TRMT1L: variants seen among roughly 807,000 people sequenced by gnomAD.
The protein encoded by TRMT1L is tRNA (guanine(27)-N(2))-dimethyltransferase.
TRMT1L carries 28 observed loss-of-function variants against 81.6 expected under a neutral mutation model. The ratio of observed to expected loss-of-function variants is 0.34; its 90% CI spans 0.25 to 0.47. The LOEUF is 0.47. Among genes scored for constraint, TRMT1L ranks in the 20% least tolerant of loss-of-function variants. The probability of loss-of-function intolerance (pLI) is 1.00; values close to 1 mark genes in which losing one functional copy is unlikely to be tolerated. For missense variants in TRMT1L, 739 were observed against 877.1 expected, an observed-to-expected ratio of 0.84 and a Z score of 1.99; for synonymous variants, 301 against 303.2, an observed-to-expected ratio of 0.99 and a Z score of 0.07.
At chr1:185,130,524 A>T (rs1427047343) in intron 10 of TRMT1L, among the ~76,000 whole-genome samples, 2 of 152,220 alleles carry the variant, frequency 1.3e-5, no homozygotes, top group African/African-American at 4.8e-5. Flanking sequence ...CCAACAAAAC[A>T]GAAAGTTCAT....
chr1:185,151,768 G>C (rs777797211), intron 2 of TRMT1L, 57 bp downstream of exon 2: 200 of 1,151,656 alleles, frequency 1.7e-4, no homozygotes, highest in Non-Finnish European at 2.0e-4. Context: ...TTTGTGAATT[G>C]AAAGATGATA....
rs747995040 is a variant in TRMT1L, at chr1:185,128,659, G to C, written c.1592+10C>G. 7.4e-6 allele frequency: 12 copies of C among 1,610,844 alleles called. No homozygotes were observed. In the South Asian group the frequency reaches 1.3e-4, roughly 18 times the overall value. Reference sequence around the variant, plus strand: ...CAAATTTTAATATGTTCTTATGGCTGGTCACATACCACAGAGGTCCAAGTT... The same window carrying C: ...CAAATTTTAATATGTTCTTATGGCTCGTCACATACCACAGAGGTCCAAGTT... On this transcript the variant is annotated intron_variant, in intron 11 of 14. Transcript: ENST00000367506.
In TRMT1L at chr1:185,120,286, G is replaced by A. The variant is rs757947978; in HGVS notation, c.1950-15C>T. 4.0e-6 allele frequency: 6 copies of A among 1,506,244 alleles called. No individual in the cohort carries two copies. Among genetic ancestry groups the A allele is most frequent in the Admixed American group, 4.3e-5 (2 of 46,210 alleles). The allele number at this position is 1,506,244 out of a possible 1,614,324, so 93.3% of individuals were successfully genotyped here. On this transcript the variant is annotated splice_polypyrimidine_tract_variant and intron_variant, in intron 14 of 14. Transcript: ENST00000367506. Reference sequence around the variant, plus strand: ...ACTTTTTTAACCTGCAAAAAGGAAAGGAAAGAAAAAATAATCAGGTTCTTG... The same window carrying A: ...ACTTTTTTAACCTGCAAAAAGGAAAAGAAAGAAAAAATAATCAGGTTCTTG...
intron 11 of TRMT1L, among the ~76,000 whole-genome samples, chr1:185,127,759 C>CAAA (rs986438990): frequency 4.4e-4 from 16 of 36,354 alleles, no homozygotes; most frequent in African/African-American, 5.5e-4. Flanking sequence ...AACTCTGTCT[C>CAAA]AAAAAAAAAA....
Position 185,145,532 on chromosome 1 carries a change from T to C in TRMT1L, c.562A>G (p.Ile188Val), listed in dbSNP as rs769063354. 6.2e-7 allele frequency: 1 copy of C among 1,612,088 alleles called. No individual in the cohort carries two copies. The highest frequency in any genetic ancestry group is 1.7e-5 in the Admixed American group (1 of 59,958). The change falls in exon 5 of 15, where the codon ATT (isoleucine) becomes GTT (valine). Residue 188 changes from isoleucine to valine, a missense_variant. Ile to Val is a conservative substitution (Grantham distance 29, BLOSUM62 3). Transcript: ENST00000367506. ...SKMGAHYHCI[I>V]CSATITRRTD... ...CTTCTGGTGATTGTTGCTGAACAAATGATACAATGATAATGGGCTCCCATT... is the reference window on the plus strand; with the variant it reads ...CTTCTGGTGATTGTTGCTGAACAAACGATACAATGATAATGGGCTCCCATT...
chr1:185,151,630 T>C (rs1044376600), intron 2 of TRMT1L, among the ~76,000 whole-genome samples, 195 bp downstream of exon 2: 2 of 152,120 alleles, frequency 1.3e-5, no homozygotes, highest in African/African-American at 4.8e-5. Flanking sequence ...TCTTGAGGAG[T>C]TGTAAAATAA....
At position 185,151,938 on chromosome 1, in the gene TRMT1L, G is replaced by GAA; in HGVS notation, c.236-5_236-4dup. On this transcript the variant is annotated splice_polypyrimidine_tract_variant and splice_region_variant and intron_variant, in intron 1 of 14. Transcript: ENST00000367506. ...CCTTTGAATTGAGATGTGTCTCTCT[G>GAA]AAAAAAAAAATTGAGAAGATTATGC... The GAA allele has an allele frequency of 2.2e-5, 32 of 1,485,338 alleles. No homozygotes were observed. The highest frequency in any genetic ancestry group is 1.8e-4 in the South Asian group (14 of 77,560). 92.0% of individuals were successfully genotyped at this position (1,485,338 alleles called of 1,614,324 possible).
rs1427969111 is a variant in TRMT1L at position 185,139,834 on chromosome 1, C to A, written c.1109+139G>T. 11 of 1,023,732 alleles carry A rather than the reference C, an allele frequency of 1.1e-5. No individual in the cohort carries two copies. In the East Asian group the frequency reaches 2.9e-4, roughly 27 times the overall value. 63.4% of individuals were successfully genotyped at this position (1,023,732 alleles called of 1,614,324 possible). ...CAAATACTAGAAAATTTTCATACTG[C>A]ATACCTTAGGCCAATGTCAAAAAAT... On this transcript the variant is annotated intron_variant, in intron 8 of 14. Transcript: ENST00000367506.
Position 185,128,737 on chromosome 1 carries a change from A to T in TRMT1L, c.1524T>A (p.Tyr508Ter). 1 of 1,603,574 alleles carries T rather than the reference A, an allele frequency of 6.2e-7. No individual in the cohort carries two copies. The highest frequency in any genetic ancestry group is 8.5e-7 in the Non-Finnish European group (1 of 1,177,586). ...CATGACAGTTACAAGGCAGCTGTCT[A>T]TATGGGTTTTCTGTAAAAAGATAAT... ...KDGNMVEENPYRQLPCNCHGS... is the reference protein window; with the variant it reads ...KDGNMVEENP The change falls in exon 11 of 15, where the codon TAT (tyrosine) becomes TAA (stop). Residue 508 changes from tyrosine (Y) to a stop codon, truncating the protein, a stop_gained. Transcript: ENST00000367506. LOFTEE classifies it high-confidence loss of function.
At chr1:185,126,054 A>G (rs1652620527) in intron 11 of TRMT1L, among the ~76,000 whole-genome samples, 1 of 152,154 alleles carries the variant, frequency 6.6e-6, no homozygotes, top group Admixed American at 6.6e-5. Flanking sequence ...AATTCTGAGT[A>G]TGATAAACTG....
intron 1 of TRMT1L, 132 bp from the exon 2 acceptor site, chr1:185,152,067 C>T (rs1653372514): frequency 2.1e-6 from 1 of 480,570 alleles, no homozygotes; most frequent in Non-Finnish European, 3.6e-6. Flanking sequence ...ACTGCCACAA[C>T]TCGGTTTATA....
chr1:185,156,343 C>T (rs1429563341), intron 1 of TRMT1L, 135 bp downstream of exon 1: 1 of 1,592,874 alleles, frequency 6.3e-7, no homozygotes, highest in Admixed American at 1.7e-5. Flanking sequence ...TACACGGGCC[C>T]CTCTTTCCTC....
intron 10 of TRMT1L, among the ~76,000 whole-genome samples, chr1:185,133,221 A>G (rs1652817121): frequency 6.6e-6 from 1 of 152,194 alleles, no homozygotes; most frequent in Admixed American, 6.5e-5. Context: ...TATAACATAT[A>G]TGAATCAGCT....
chr1:185,140,831 T>G (rs1653017992), intron 7 of TRMT1L, among the ~76,000 whole-genome samples: 1 of 151,312 alleles, frequency 6.6e-6, no homozygotes, highest in African/African-American at 2.4e-5. Context: ...AATACAAAAA[T>G]TAGCTGGGCA....
intron 4 of TRMT1L, among the ~76,000 whole-genome samples, 185 bp downstream of exon 4, chr1:185,146,997 A>G (rs1482960940): frequency 6.6e-6 from 1 of 151,652 alleles, no homozygotes; most frequent in Non-Finnish European, 1.5e-5. Flanking sequence ...GAGAACTTCA[A>G]TATAACAATT....
chr1:185,146,195 A>T (rs942569933), intron 4 of TRMT1L, among the ~76,000 whole-genome samples: 1 of 151,978 alleles, frequency 6.6e-6, no homozygotes, highest in Non-Finnish European at 1.5e-5. Context: ...AGGTTTATAT[A>T]ACTTAATTTT....
intron 4 of TRMT1L, among the ~76,000 whole-genome samples, chr1:185,146,314 T>C (rs1027850908): frequency 1.7e-4 from 26 of 151,922 alleles, no homozygotes; most frequent in African/African-American, 5.8e-4. Context: ...CTTATCCGAG[T>C]AAAAAAATTT....
chr1:185,138,517 G>C lies in TRMT1L; in HGVS notation c.1323-721C>G, dbSNP rs183084920. On this transcript the variant is annotated intron_variant, in intron 9 of 14. Coordinates refer to ENST00000367506, the MANE Select transcript of TRMT1L (RefSeq NM_030934.5). ...CTTAAATGCTCTGAAACTAGTATTG[G>C]GGCTGGCAAGTGAGCTGGCTGATTA... is the stretch of plus-strand genomic sequence containing the variant. Among the ~76,000 whole-genome samples, 4 of 152,120 alleles carry C rather than the reference G, an allele frequency of 2.6e-5. No homozygotes were observed. In the East Asian group the frequency reaches 5.8e-4, roughly 22 times the overall value.
chr1:185,133,639 C>G (rs113011165), intron 10 of TRMT1L, among the ~76,000 whole-genome samples: 2,382 of 151,188 alleles, frequency 0.016, 37 homozygotes, highest in East Asian at 0.063. Context: ...GCTCTGTCAC[C>G]CAGGCTGGAG....
Sources: gnomAD v4.1 joint callset for allele counts (sites outside exome capture counted in the v4.1 genomes callset) on GRCh38, gnomAD v4.1.1 for gene constraint, MANE v1.5 for transcripts, NCBI Gene and HGNC (gene_info 2026-07-23, HGNC 2026-07-21) for gene names.